The following ROBO2 variants were observed in gnomAD, a reference collection of about 807,000 sequenced individuals.
The protein encoded by ROBO2 is roundabout homolog 2.
Under a neutral mutation model 160.8 loss-of-function variants are expected in ROBO2, and 53 were observed. That is an observed-to-expected ratio of 0.33 (90% CI 0.26 to 0.41). The LOEUF is 0.41. Among genes scored for constraint, ROBO2 ranks in the 10% least tolerant of loss-of-function variants. The probability of loss-of-function intolerance (pLI) is 1.00; values close to 1 mark genes in which losing one functional copy is unlikely to be tolerated. For missense variants in ROBO2, 1,577 were observed against 1,722.4 expected (o/e 0.92, Z 1.49); for synonymous variants, 664 against 611.7 (o/e 1.09, Z -1.26).
At chr3:77,439,488 AAAAAGATGG>A (rs2079680031) in intron 2 of ROBO2, among the ~76,000 whole-genome samples, 1 of 151,932 alleles carries the variant, frequency 6.6e-6, no homozygotes, top group Non-Finnish European at 1.5e-5. Context: ...ATTAGTTCTG[AAAAAGATGG>A]ACTGCATTTT....
chr3:75,914,088 T>G (rs1217815380), intron 1 of ROBO2, among the ~76,000 whole-genome samples: 1 of 152,190 alleles, frequency 6.6e-6, no homozygotes, highest in African/African-American at 2.4e-5. Context: ...AATGAATTCT[T>G]GCTGCCTCAC....
chr3:75,975,909 C>A (rs1236234266), intron 2 of ROBO2, among the ~76,000 whole-genome samples: 1 of 151,446 alleles, frequency 6.6e-6, no homozygotes, highest in Non-Finnish European at 1.5e-5. Flanking sequence ...ATTGGTTGAG[C>A]CTAAGTTGGA....
At chr3:76,559,635 A>G (rs1261887932) in intron 2 of ROBO2, among the ~76,000 whole-genome samples, 1 of 152,126 alleles carries the variant, frequency 6.6e-6, no homozygotes, top group Non-Finnish European at 1.5e-5. Context: ...GATGAGCAAT[A>G]TAAGTAGATA....
chr3:77,392,150 T>C (rs932183154), intron 2 of ROBO2, among the ~76,000 whole-genome samples: 2 of 152,190 alleles, frequency 1.3e-5, no homozygotes, highest in African/African-American at 4.8e-5. Flanking sequence ...AGACTACTAG[T>C]GGCTACAATA....
intron 2 of ROBO2, among the ~76,000 whole-genome samples, chr3:77,220,034 G>GA (rs1249825693): frequency 6.6e-6 from 1 of 151,580 alleles, no homozygotes; most frequent in East Asian, 2.0e-4. Context: ...GCTTTGAGAT[G>GA]GAGTCTCACT....
At chr3:76,360,284 C>T (rs968592602) in intron 2 of ROBO2, among the ~76,000 whole-genome samples, 1 of 151,996 alleles carries the variant, frequency 6.6e-6, no homozygotes, top group Non-Finnish European at 1.5e-5. Context: ...ATAAGTTTCC[C>T]TTTATTCATT....
In ROBO2 at chr3:76,101,026, TA is replaced by T. The variant is rs528537410; in HGVS notation, c.109+163434del. Among the ~76,000 whole-genome samples the T allele has an allele frequency of 9.3e-4, 136 of 146,398 alleles. 2 individuals carry two copies. In the East Asian group the frequency reaches 0.018, roughly 20 times the overall value. On this transcript the variant is annotated intron_variant, in intron 2 of 26. Coordinates refer to the ROBO2 transcript ENST00000487694. ...TTTTAATTGTAAAGAGTGCTGTGTATAAAAAAAAAACAGAGAGCCAAGGAAG... is the reference window on the plus strand; with the variant it reads ...TTTTAATTGTAAAGAGTGCTGTGTATAAAAAAAAACAGAGAGCCAAGGAAG...
intron 2 of ROBO2, among the ~76,000 whole-genome samples, chr3:76,553,364 A>G (rs1180713056): frequency 1.3e-5 from 2 of 152,190 alleles, no homozygotes; most frequent in African/African-American, 4.8e-5. Flanking sequence ...ACGATAAATC[A>G]TATGTCACAT....
At chr3:76,498,683 C>CTTTTTT (rs71101892) in intron 2 of ROBO2, among the ~76,000 whole-genome samples, 1 of 130,842 alleles carries the variant, frequency 7.6e-6, no homozygotes, top group Non-Finnish European at 1.6e-5. Context: ...AGTTTGTCTG[C>CTTTTTT]TTTTTTTTTT....
In ROBO2 at chr3:77,021,640, T is replaced by G. The variant is rs904690301; in HGVS notation, c.110-76374T>G. ...CTTGTTTCAATGTCCCTTCCAAAATTAATGTTCAAATTTAATTGCTGTTGT... is the reference window on the plus strand; with the variant it reads ...CTTGTTTCAATGTCCCTTCCAAAATGAATGTTCAAATTTAATTGCTGTTGT... On this transcript the variant is annotated intron_variant, in intron 2 of 26. Coordinates refer to the ROBO2 transcript ENST00000487694. Among the ~76,000 whole-genome samples, 15 of 152,292 alleles carry G rather than the reference T, an allele frequency of 9.8e-5. No individual in the cohort carries two copies. In the East Asian group the frequency reaches 2.9e-3, roughly 29 times the overall value.
chr3:76,105,080 A>G (rs995154882), intron 2 of ROBO2, among the ~76,000 whole-genome samples: 4 of 152,120 alleles, frequency 2.6e-5, no homozygotes, highest in South Asian at 2.1e-4. Context: ...AGCTCTCAGT[A>G]TCAGCTTTCA....
At chr3:76,926,529 G>A (rs77215222) in intron 2 of ROBO2, among the ~76,000 whole-genome samples, 1 of 152,148 alleles carries the variant, frequency 6.6e-6, no homozygotes, top group Non-Finnish European at 1.5e-5. Flanking sequence ...TGGCCTCGCT[G>A]TACGTTTTAT....
chr3:77,423,639 A>G (rs891985807), intron 2 of ROBO2, among the ~76,000 whole-genome samples: 1 of 152,158 alleles, frequency 6.6e-6, no homozygotes, highest in African/African-American at 2.4e-5. Context: ...GTATGGTCTC[A>G]CCTGGAACAC....
intron 2 of ROBO2, among the ~76,000 whole-genome samples, chr3:76,842,650 G>T (rs1166952): frequency 0.25 from 38,283 of 151,954 alleles, 5,192 homozygotes; most frequent in East Asian, 0.45. Flanking sequence ...CTATAAATGC[G>T]AGAACCGATA....
intron 2 of ROBO2, among the ~76,000 whole-genome samples, chr3:77,403,573 AGT>A (rs57545425): frequency 0.094 from 12,206 of 129,240 alleles, 567 homozygotes; most frequent in Non-Finnish European, 0.1. Flanking sequence ...TAGTTATTTC[AGT>A]GTGTGTGTGT....
chr3:77,475,733 G>T (rs2083917299), intron 2 of ROBO2, among the ~76,000 whole-genome samples: 1 of 152,182 alleles, frequency 6.6e-6, no homozygotes, highest in Non-Finnish European at 1.5e-5. Flanking sequence ...TCACCAGCTT[G>T]CTCTCCCTGG....
intron 2 of ROBO2, among the ~76,000 whole-genome samples, chr3:76,108,459 A>G (rs2070053235): frequency 6.6e-6 from 1 of 151,990 alleles, no homozygotes; most frequent in African/African-American, 2.4e-5. Flanking sequence ...TGACTCTTAT[A>G]TTCATATCAA....
intron 2 of ROBO2, among the ~76,000 whole-genome samples, chr3:77,000,505 C>T (rs1219942203): frequency 6.6e-6 from 1 of 152,150 alleles, no homozygotes; most frequent in Non-Finnish European, 1.5e-5. Context: ...GTTATTCCTT[C>T]TTCTGAACTT....
intron 2 of ROBO2, among the ~76,000 whole-genome samples, chr3:76,601,416 A>G (rs2218641): frequency 1.3e-5 from 2 of 152,066 alleles, no homozygotes; most frequent in African/African-American, 4.8e-5. Context: ...AGCAAACTTT[A>G]GCCTGGGCAT....
Sources: allele counts gnomAD v4.1 joint callset (sites outside exome capture counted in the v4.1 genomes callset), GRCh38; gene constraint gnomAD v4.1.1; transcripts MANE v1.5; gene names NCBI Gene and HGNC (gene_info 2026-07-23, HGNC 2026-07-21).